SPG11: variants seen among roughly 807,000 people sequenced by gnomAD.
The protein encoded by SPG11 is SPG11 vesicle trafficking associated, spatacsin.
Under a neutral mutation model 274.0 loss-of-function variants are expected in SPG11, and 222 were observed. That is an observed-to-expected ratio of 0.81 (90% CI 0.73 to 0.91). The LOEUF (loss-of-function observed/expected upper bound fraction) is 0.91. SPG11 is among the 40% of genes least tolerant of loss of function. SPG11 has a pLI of 0.00. For synonymous variants in SPG11, 1,144 were observed against 1,039.7 expected, an observed-to-expected ratio of 1.10 and a Z score of -1.93; for missense variants, 3,114 against 2,872.7, an observed-to-expected ratio of 1.08 and a Z score of -1.92.
intron 28 of SPG11, 136 bp from the exon 29 acceptor site, chr15:44,585,986 T>TTG: frequency 4.0e-6 from 2 of 500,504 alleles, no homozygotes. Flanking sequence ...AAAAGCTGTT[T>TTG]TTTTTTTTTT....
intron 26 of SPG11, among the ~76,000 whole-genome samples, chr15:44,594,290 G>A (rs2082976692): frequency 6.6e-6 from 1 of 151,704 alleles, no homozygotes; most frequent in Admixed American, 6.6e-5. Flanking sequence ...GCTGGGCGTG[G>A]TGGCACGCGC....
intron 33 of SPG11, 92 bp from the exon 34 acceptor site, chr15:44,570,750 A>T: frequency 6.5e-7 from 1 of 1,528,434 alleles, no homozygotes; most frequent in East Asian, 2.4e-5. Context: ...GGCCTGGTGG[A>T]GAAGGGGCCT....
chr15:44,587,940 G>C (rs2082809789), intron 28 of SPG11, among the ~76,000 whole-genome samples: 1 of 151,914 alleles, frequency 6.6e-6, no homozygotes, highest in South Asian at 2.1e-4. Flanking sequence ...ATGTTAAAAG[G>C]ACTTATCATT....
At chr15:44,565,086 TATATTATTCCCATTAG>T in intron 38 of SPG11, among the ~76,000 whole-genome samples, 1 of 152,302 alleles carries the variant, frequency 6.6e-6, no homozygotes, top group Non-Finnish European at 1.5e-5. Flanking sequence ...CTGCTAAGAA[TATATTATTCCCATTAG>T]CAGTATGAGG....
rs773503745 is a variant in SPG11 at position 44,563,131 on chromosome 15, A to G, written c.7322T>C (p.Leu2441Pro). The change falls in exon 40 of 40, where the codon CTA becomes CCA. Residue 2441 changes from leucine to proline, a missense_variant. Physicochemically the swap from Leu to Pro is moderately conservative, Grantham distance 98. Coordinates refer to ENST00000261866, the MANE Select transcript of SPG11 (RefSeq NM_025137.4). The part of the protein sequence containing the change: ...PQTGCCLKDM[L>P]AG Reference sequence around the variant, plus strand: ...CACCTATGAAATCATCTAACCTGCTAGCATGTCCTTTAGACAGCAACCTGT... The same window carrying G: ...CACCTATGAAATCATCTAACCTGCTGGCATGTCCTTTAGACAGCAACCTGT... 1.1e-5 allele frequency: 17 copies of G among 1,613,920 alleles called. No individual in the cohort carries two copies. Among genetic ancestry groups the G allele is most frequent in the Admixed American group, 1.7e-5 (1 of 60,002 alleles).
chr15:44,602,683 C>T lies in SPG11; in HGVS notation c.3521-2051G>A, dbSNP rs138761621. Among the ~76,000 whole-genome samples, 922 of 152,040 alleles carry T rather than the reference C, an allele frequency of 6.1e-3. 27 individuals are homozygous for T. The East Asian group carries it at 0.089, about 15-fold the overall frequency. On this transcript the variant is annotated intron_variant, in intron 20 of 39. Coordinates refer to ENST00000261866, the MANE Select transcript of SPG11 (RefSeq NM_025137.4). Reference sequence around the variant, plus strand: ...TTTTTTAGTAGAGACAGGGTTTCACCGTGTTAGCCAGGATGGTCTCTATCT... The same window carrying T: ...TTTTTTAGTAGAGACAGGGTTTCACTGTGTTAGCCAGGATGGTCTCTATCT...
At chr15:44,606,376 T>C (rs1225811897) in intron 19 of SPG11, among the ~76,000 whole-genome samples, 1 of 152,158 alleles carries the variant, frequency 6.6e-6, no homozygotes, top group African/African-American at 2.4e-5. Flanking sequence ...GAGCATCAAC[T>C]ATAAAGTAAA....
intron 16 of SPG11, 131 bp from the exon 17 acceptor site, chr15:44,613,667 TACTCCC>T: frequency 1.6e-6 from 1 of 624,762 alleles, no homozygotes; most frequent in Non-Finnish European, 2.9e-6. Flanking sequence ...TAACACAAAA[TACTCCC>T]ACTCTTGTGT....
chr15:44,651,160 A>G (rs1172047043), intron 6 of SPG11, among the ~76,000 whole-genome samples: 1 of 152,192 alleles, frequency 6.6e-6, no homozygotes, highest in East Asian at 1.9e-4. Context: ...AAGCAAAATA[A>G]ATATGCAGTT....
chr15:44,655,605 TTATTG>T (rs1489959247), intron 4 of SPG11, among the ~76,000 whole-genome samples: 1 of 151,972 alleles, frequency 6.6e-6, no homozygotes, highest in Admixed American at 6.5e-5. Context: ...GTAGCTTACT[TTATTG>T]TAAGAATATA....
In SPG11 at chr15:44,591,541, G is replaced by C. The variant is rs140292239; in HGVS notation, c.4743+790C>G. On this transcript the variant is annotated intron_variant, in intron 27 of 39. Transcript: ENST00000261866. ...CAGGCAAGAATAAGAAGATACCTGG[G>C]AGGTAGCCAACTGGCCATAGGGAGT... 2.1e-3 allele frequency among the ~76,000 whole-genome samples: 322 copies of C among 152,344 alleles called. 1 individual carries two copies. The highest frequency in any genetic ancestry group is 7.4e-3 in the African/African-American group (306 of 41,568).
At chr15:44,633,342 A>AG (rs1407341715) in intron 8 of SPG11, 163 bp downstream of exon 8, 10 of 247,760 alleles carry the variant, frequency 4.0e-5, no homozygotes, top group Non-Finnish European at 7.1e-5. Flanking sequence ...AAAAAAAAAA[A>AG]AAAAAAAAAA....
intron 16 of SPG11, 43 bp from the exon 17 acceptor site, chr15:44,613,579 G>A: frequency 7.8e-7 from 1 of 1,285,814 alleles, no homozygotes; most frequent in Non-Finnish European, 1.1e-6. Context: ...TTAACATACA[G>A]GATAAGACAA....
chr15:44,635,878 T>C (rs963031864), intron 7 of SPG11, among the ~76,000 whole-genome samples: 3 of 150,750 alleles, frequency 2.0e-5, no homozygotes, highest in South Asian at 2.1e-4. Flanking sequence ...GATTGCGCCA[T>C]TGCACTCCAG....
intron 5 of SPG11, 90 bp downstream of exon 5, chr15:44,652,039 C>G: frequency 1.3e-6 from 2 of 1,558,524 alleles, no homozygotes; most frequent in Non-Finnish European, 1.7e-6. Context: ...AAAAAAGTAT[C>G]TATCAAATAA....
At chr15:44,631,281 T>C (rs938422505) in intron 8 of SPG11, among the ~76,000 whole-genome samples, 10 of 152,156 alleles carry the variant, frequency 6.6e-5, no homozygotes, top group African/African-American at 2.4e-4. Context: ...GCCCATACAA[T>C]GAAATTCTAT....
chr15:44,641,629 AC>A (rs1442002339), intron 7 of SPG11, among the ~76,000 whole-genome samples: 4 of 151,074 alleles, frequency 2.6e-5, no homozygotes, highest in Middle Eastern at 3.2e-3. Flanking sequence ...ACACACACAC[AC>A]ACAAAACCTT....
intron 17 of SPG11, 106 bp downstream of exon 17, chr15:44,613,324 C>A (rs2083506712): frequency 6.2e-6 from 5 of 805,498 alleles, no homozygotes; most frequent in South Asian, 1.5e-5. Context: ...AGATAGCTGA[C>A]CACAGCCAAA....
chr15:44,602,622 G>A (rs1490804944), intron 20 of SPG11, among the ~76,000 whole-genome samples: 2 of 151,974 alleles, frequency 1.3e-5, no homozygotes, highest in African/African-American at 2.4e-5. Context: ...GGGACTACAG[G>A]CGCCTGCCAC....
Sources: gnomAD v4.1 joint callset for allele counts (sites outside exome capture counted in the v4.1 genomes callset) on GRCh38, gnomAD v4.1.1 for gene constraint, MANE v1.5 for transcripts, NCBI Gene and HGNC (gene_info 2026-07-23, HGNC 2026-07-21) for gene names.